KLRF1: variants seen among roughly 807,000 people sequenced by gnomAD.
KLRF1 encodes the protein killer cell lectin like receptor F1.
Under a neutral mutation model 30.7 loss-of-function variants are expected in KLRF1, and 27 were observed. That is an observed-to-expected ratio of 0.88 (90% confidence interval 0.65 to 1.21). The LOEUF (loss-of-function observed/expected upper bound fraction) is 1.21. KLRF1 is among the 50% of genes most tolerant of loss of function. The pLI is 0.00. For synonymous variants in KLRF1, 92 were observed against 89.3 expected, an observed-to-expected ratio of 1.03 and a Z score of -0.17; for missense variants, 246 against 259.3, an observed-to-expected ratio of 0.95 and a Z score of 0.35.
At chr12:9,820,091 C>G in the KLRF1 span, among the ~76,000 whole-genome samples, 1 of 152,232 alleles carries the variant, frequency 6.6e-6, no homozygotes, top group Non-Finnish European at 1.5e-5. Context: ...GTCACTGATC[C>G]TGTTTCTCCT....
the KLRF1 span, among the ~76,000 whole-genome samples, chr12:9,814,137 C>A: frequency 6.6e-6 from 1 of 152,112 alleles, no homozygotes; most frequent in Non-Finnish European, 1.5e-5. Flanking sequence ...GCACTCTAGC[C>A]CCAAAGGTGT....
chr12:9,800,525 C>G, the KLRF1 span, among the ~76,000 whole-genome samples: 1 of 151,968 alleles, frequency 6.6e-6, no homozygotes, highest in African/African-American at 2.4e-5. Flanking sequence ...TTTGTATACT[C>G]ATAACTTAAC....
At chr12:9,842,627 G>C (rs890278158) in intron 5 of KLRF1, among the ~76,000 whole-genome samples, 194 bp downstream of exon 5, 1 of 152,066 alleles carries the variant, frequency 6.6e-6, no homozygotes, top group Admixed American at 6.6e-5. Context: ...GAAAATGGTG[G>C]TTTATGATTT....
At chr12:9,819,662 G>T in the KLRF1 span, among the ~76,000 whole-genome samples, 1 of 152,062 alleles carries the variant, frequency 6.6e-6, no homozygotes, top group African/African-American at 2.4e-5. Context: ...CTGGGATGGG[G>T]TTTCCAGAGG....
intron 3 of KLRF1, among the ~76,000 whole-genome samples, chr12:9,837,470 G>A (rs1322218364): frequency 1.3e-5 from 2 of 152,014 alleles, no homozygotes; most frequent in African/African-American, 4.8e-5. Context: ...TTAAAGGTCA[G>A]CCAAAGGTGA....
the KLRF1 span, among the ~76,000 whole-genome samples, chr12:9,816,955 G>A: frequency 2.0e-5 from 3 of 151,408 alleles, no homozygotes; most frequent in Non-Finnish European, 4.4e-5. Context: ...GGGTGGTCTC[G>A]ATCTGCTGAC....
chr12:9,821,464 G>T, the KLRF1 span, among the ~76,000 whole-genome samples: 1 of 152,162 alleles, frequency 6.6e-6, no homozygotes, highest in African/African-American at 2.4e-5. Context: ...CACAGGTCCT[G>T]CACACTTCCC....
At chr12:9,836,588 G>A (rs1483009840) in intron 3 of KLRF1, among the ~76,000 whole-genome samples, 2 of 152,000 alleles carry the variant, frequency 1.3e-5, no homozygotes, top group African/African-American at 4.8e-5. Context: ...GATATATTAT[G>A]ACTTTCCAGA....
chr12:9,831,902 A>C (rs1031925371), intron 1 of KLRF1, among the ~76,000 whole-genome samples: 5 of 152,182 alleles, frequency 3.3e-5, no homozygotes, highest in African/African-American at 1.2e-4. Context: ...TAAATAAAAA[A>C]GGCTCAAAGG....
the KLRF1 span, among the ~76,000 whole-genome samples, chr12:9,822,229 C>T: frequency 1.2e-3 from 176 of 152,322 alleles, 1 homozygote; most frequent in African/African-American, 4.0e-3. Flanking sequence ...CATCAGCATT[C>T]AGGAAAATGG....
intron 3 of KLRF1, among the ~76,000 whole-genome samples, chr12:9,834,122 C>A (rs1362390025): frequency 6.8e-6 from 1 of 147,640 alleles, no homozygotes; most frequent in Non-Finnish European, 1.5e-5. Flanking sequence ...TTTTGAGCCA[C>A]GATGAGCCAG....
chr12:9,842,167 C>A (rs1393650054), intron 4 of KLRF1, 154 bp from the exon 5 acceptor site: 22 of 815,056 alleles, frequency 2.7e-5, no homozygotes, highest in Non-Finnish European at 3.2e-5. Flanking sequence ...GTGTGTGTAA[C>A]ATATATATGA....
At chr12:9,811,439 A>T in the KLRF1 span, among the ~76,000 whole-genome samples, 134 of 151,810 alleles carry the variant, frequency 8.8e-4, no homozygotes, top group African/African-American at 3.1e-3. Flanking sequence ...ACCTTCACTC[A>T]TTCTGGGGAT....
In KLRF1 at chr12:9,833,370, T is replaced by C. The variant is rs755037484; in HGVS notation, c.252T>C (p.Thr84=). 1.9e-6 allele frequency: 3 copies of C among 1,611,712 alleles called. No individual in the cohort carries two copies. ...SCSNATQYED[T]GDLKVNNGTR... is the part of the protein sequence containing the mutation. ...CAAATGCCACTCAGTATGAGGACAC[T>C]GGAGATCTAAAAGTGAATAATGGCA... The change falls in exon 3 of 6, where the codon ACT becomes ACC. Residue 84 remains threonine, a synonymous_variant. Transcript: ENST00000617889.
intron 3 of KLRF1, among the ~76,000 whole-genome samples, 168 bp from the exon 4 acceptor site, chr12:9,841,644 G>T (rs1312509672): frequency 6.6e-6 from 1 of 151,918 alleles, no homozygotes; most frequent in Non-Finnish European, 1.5e-5. Context: ...AATTCCCAAG[G>T]ACCATTATTT....
At chr12:9,815,803 G>C in the KLRF1 span, among the ~76,000 whole-genome samples, 1 of 152,140 alleles carries the variant, frequency 6.6e-6, no homozygotes, top group Non-Finnish European at 1.5e-5. Flanking sequence ...GGCTGCTGCT[G>C]CTTCTTATTC....
At chr12:9,821,367 C>A in the KLRF1 span, among the ~76,000 whole-genome samples, 2 of 152,108 alleles carry the variant, frequency 1.3e-5, no homozygotes, top group Non-Finnish European at 2.9e-5. Flanking sequence ...TACCCTCAGA[C>A]TAATGAAGGA....
At chr12:9,830,641 T>C (rs899968301) in intron 1 of KLRF1, among the ~76,000 whole-genome samples, 5 of 149,360 alleles carry the variant, frequency 3.3e-5, no homozygotes, top group African/African-American at 1.0e-4. Flanking sequence ...ATTGAGATGA[T>C]GATAGATTTT....
intron 3 of KLRF1, among the ~76,000 whole-genome samples, chr12:9,834,638 T>A (rs1370916129): frequency 6.6e-6 from 1 of 151,954 alleles, no homozygotes; most frequent in Non-Finnish European, 1.5e-5. Context: ...AAACGGCAGA[T>A]ACAAGGTCCG....
Sources: gnomAD v4.1 joint callset for allele counts (sites outside exome capture counted in the v4.1 genomes callset) on GRCh38, gnomAD v4.1.1 for gene constraint, MANE v1.5 for transcripts, NCBI Gene and HGNC (gene_info 2026-07-23, HGNC 2026-07-21) for gene names.